POC5: variants seen among roughly 807,000 people sequenced by gnomAD.
The protein encoded by POC5 is POC5 centriolar protein.
Under a neutral mutation model 62.9 loss-of-function variants are expected in POC5, and 48 were observed. The observed-to-expected ratio is 0.76, with a 90% CI of 0.61 to 0.97. The LOEUF is 0.97. Among genes scored for constraint, POC5 ranks in the 50% least tolerant of loss-of-function variants. POC5 has a pLI of 0.00. For synonymous variants in POC5, 236 were observed against 228.2 expected, an observed-to-expected ratio of 1.03 and a Z score of -0.31; for missense variants, 696 against 679.5, an observed-to-expected ratio of 1.02 and a Z score of -0.27.
chr5:75,689,228 AATAG>A (rs957581249), intron 8 of POC5, 63 bp from the exon 9 acceptor site: 7 of 1,452,394 alleles, frequency 4.8e-6, no homozygotes, highest in African/African-American at 1.4e-5. Context: ...CTGTCAAAAA[AATAG>A]ATATATACTT....
chr5:75,709,335 A>G (rs1260866946), intron 2 of POC5, among the ~76,000 whole-genome samples: 1 of 152,208 alleles, frequency 6.6e-6, no homozygotes, highest in African/African-American at 2.4e-5. Flanking sequence ...GAGAATAAAC[A>G]TCTGTCTGAG....
At chr5:75,716,442 A>T (rs1742575356) in intron 1 of POC5, among the ~76,000 whole-genome samples, 1 of 151,680 alleles carries the variant, frequency 6.6e-6, no homozygotes, top group Non-Finnish European at 1.5e-5. Context: ...CAGATCTCAA[A>T]AATTGTTTCT....
intron 1 of POC5, among the ~76,000 whole-genome samples, chr5:75,716,794 T>C (rs1470673291): frequency 6.6e-6 from 1 of 152,142 alleles, no homozygotes; most frequent in East Asian, 1.9e-4. Flanking sequence ...GGAATTCAAA[T>C]GGAACCCCCA....
At position 75,693,659 on chromosome 5, in the gene POC5, G is replaced by A. The variant is rs117166419; in HGVS notation, c.690+996C>T. ...TTCTATAAAATGTTCAATTTTATAC[G>A]AAATCAAGGTATGTTTAAAAAAATT... On this transcript the variant is annotated intron_variant, in intron 6 of 11. Coordinates refer to ENST00000428202, the MANE Select transcript of POC5 (RefSeq NM_001099271.2). Among the ~76,000 whole-genome samples, 559 of 152,118 alleles carry A rather than the reference G, an allele frequency of 3.7e-3. 5 individuals carry two copies. The highest frequency in any genetic ancestry group is 0.034 in the East Asian group (174 of 5,182).
intron 5 of POC5, among the ~76,000 whole-genome samples, chr5:75,698,629 T>C (rs996083360): frequency 6.6e-6 from 1 of 151,512 alleles, no homozygotes; most frequent in Non-Finnish European, 1.5e-5. Flanking sequence ...AGATCCAAAA[T>C]TGACACCCTA....
At chr5:75,684,835 T>C (rs1434986608) in intron 10 of POC5, among the ~76,000 whole-genome samples, 1 of 151,840 alleles carries the variant, frequency 6.6e-6, no homozygotes, top group Non-Finnish European at 1.5e-5. Flanking sequence ...TAGGAAAATA[T>C]TTTATGAGTT....
intron 9 of POC5, 106 bp from the exon 10 acceptor site, chr5:75,685,590 T>G: frequency 8.8e-7 from 1 of 1,136,812 alleles, no homozygotes; most frequent in Non-Finnish European, 1.3e-6. Flanking sequence ...CTAACAAAAA[T>G]TTAGATGTTT....
chr5:75,679,342 TC>T (rs1025275913), intron 10 of POC5, among the ~76,000 whole-genome samples: 7 of 152,170 alleles, frequency 4.6e-5, no homozygotes, highest in African/African-American at 1.7e-4. Context: ...AAACAGTTTT[TC>T]CAAAGGCATT....
intron 10 of POC5, among the ~76,000 whole-genome samples, chr5:75,681,357 T>G (rs1775861855): frequency 6.6e-6 from 1 of 152,140 alleles, no homozygotes; most frequent in Non-Finnish European, 1.5e-5. Flanking sequence ...GAAACTTTAC[T>G]AAAGGTCTTT....
At chr5:75,698,582 A>T (rs1375335388) in intron 5 of POC5, among the ~76,000 whole-genome samples, 3 of 152,174 alleles carry the variant, frequency 2.0e-5, no homozygotes, top group Non-Finnish European at 4.4e-5. Context: ...GTAGAGGGAA[A>T]TTTATAGCAC....
In POC5 at chr5:75,705,693, A is replaced by AAAAATCAT; in HGVS notation, c.307+3_307+10dup. On this transcript the variant is annotated intron_variant, in intron 4 of 11. Transcript: ENST00000428202. ...GTATATTAATACAAATAAGCTAAAG[A>AAAAATCAT]AAAATCATACCATCTGTCTTTGAAT... 6.7e-7 allele frequency: 1 copy of AAAAATCAT among 1,488,260 alleles called. No homozygotes were observed. Among genetic ancestry groups the AAAAATCAT allele is most frequent in the Non-Finnish European group, 9.0e-7 (1 of 1,111,734 alleles). 92.2% of individuals were successfully genotyped at this position (1,488,260 alleles called of 1,614,324 possible). A position where few individuals can be genotyped will look rare whatever the true frequency, so the allele number is the denominator to read the frequency against.
At chr5:75,712,225 A>G (rs148736141) in intron 2 of POC5, 1 of 1,017,340 alleles carries the variant, frequency 9.8e-7, no homozygotes, top group African/African-American at 1.6e-5. Flanking sequence ...GAGTAATACA[A>G]CTGTAAAATT....
At position 75,674,381 on chromosome 5, in the gene POC5, T is replaced by C. The variant is rs1190934575; in HGVS notation, c.*54A>G. On this transcript the variant is annotated 3_prime_UTR_variant, in exon 12 of 12. Transcript: ENST00000428202. ...GGAAAAGTTAAAACCAAAAGACTTC[T>C]AACCCTTGGTAAGACCAGAGGGATT... 5.8e-6 allele frequency: 9 copies of C among 1,559,456 alleles called. No homozygotes were observed. The highest frequency in any genetic ancestry group is 2.6e-6 in the Non-Finnish European group (3 of 1,148,160).
chr5:75,675,406 GAA>G (rs1775613802), intron 11 of POC5, among the ~76,000 whole-genome samples: 1 of 152,216 alleles, frequency 6.6e-6, no homozygotes, highest in East Asian at 1.9e-4. Context: ...CTTCCACTTA[GAA>G]AAGTCATTGT....
intron 10 of POC5, among the ~76,000 whole-genome samples, chr5:75,678,466 C>A (rs1176490947): frequency 6.6e-6 from 1 of 152,162 alleles, no homozygotes; most frequent in African/African-American, 2.4e-5. Flanking sequence ...ATATCCATCT[C>A]TCTGTTCCTT....
chr5:75,675,392 G>A (rs965264697), intron 11 of POC5, among the ~76,000 whole-genome samples: 1 of 152,048 alleles, frequency 6.6e-6, no homozygotes, highest in Non-Finnish European at 1.5e-5. Flanking sequence ...ATTTCTATTA[G>A]GGTCTTCCAC....
intron 10 of POC5, among the ~76,000 whole-genome samples, chr5:75,680,507 G>T (rs939916032): frequency 6.6e-6 from 1 of 152,074 alleles, no homozygotes; most frequent in Non-Finnish European, 1.5e-5. Context: ...GAATTAAATA[G>T]AAGTTGTCTT....
At chr5:75,712,621 G>A (rs1291827499) in intron 2 of POC5, 2 of 770,260 alleles carry the variant, frequency 2.6e-6, no homozygotes, top group Non-Finnish European at 2.2e-6. Context: ...TACTGTGTTG[G>A]TTGAAGCCTT....
At chr5:75,715,618 G>A (rs764068434) in intron 1 of POC5, among the ~76,000 whole-genome samples, 51 of 152,268 alleles carry the variant, frequency 3.3e-4, no homozygotes, top group Non-Finnish European at 4.7e-4. Context: ...ATTGAAGATG[G>A]GATTTGAGTG....
Sources: gnomAD v4.1 joint callset for allele counts (sites outside exome capture counted in the v4.1 genomes callset) on GRCh38, gnomAD v4.1.1 for gene constraint, MANE v1.5 for transcripts, NCBI Gene and HGNC (gene_info 2026-07-23, HGNC 2026-07-21) for gene names.